The following GFRA3 variants were observed in gnomAD, a reference collection of about 807,000 sequenced individuals.
The protein encoded by GFRA3 is GDNF family receptor alpha 3.
Under a neutral mutation model 40.0 loss-of-function variants are expected in GFRA3, and 24 were observed. The observed-to-expected ratio is 0.60, with a 90% CI of 0.43 to 0.84. GFRA3 has a LOEUF of 0.84. Among genes scored for constraint, GFRA3 ranks in the 40% least tolerant of loss-of-function variants. The pLI, the probability that GFRA3 is intolerant of heterozygous loss-of-function variation, is 0.00. For missense variants in GFRA3, 405 were observed against 530.6 expected, an observed-to-expected ratio of 0.76 and a Z score of 2.33; for synonymous variants, 203 against 213.5, an observed-to-expected ratio of 0.95 and a Z score of 0.43.
chr5:138,263,014 G>C (rs895975894), intron 2 of GFRA3, among the ~76,000 whole-genome samples: 7 of 152,130 alleles, frequency 4.6e-5, no homozygotes, highest in Non-Finnish European at 7.4e-5. Context: ...GCCCAGGCTA[G>C]AGTGCAGTGG....
chr5:138,254,182 T>G, intron 4 of GFRA3, 22 bp from the exon 5 acceptor site: 5 of 1,346,018 alleles, frequency 3.7e-6, no homozygotes, highest in Non-Finnish European at 3.2e-6. Context: ...GAAATTTCTG[T>G]CTTTCTTTTT....
At chr5:138,268,949 A>AAAAAC (rs1338664898) in intron 1 of GFRA3, among the ~76,000 whole-genome samples, 1 of 151,992 alleles carries the variant, frequency 6.6e-6, no homozygotes, top group Admixed American at 6.6e-5. Flanking sequence ...AGAAAAAGAA[A>AAAAAC]AAAACAAACA....
At chr5:138,267,147 T>G (rs1303419039) in intron 1 of GFRA3, 3 of 184,924 alleles carry the variant, frequency 1.6e-5, no homozygotes, top group Admixed American at 1.5e-4. Context: ...ATCCACCTTA[T>G]GGTATTTTAG....
chr5:138,264,230 A>G, intron 2 of GFRA3, 31 bp downstream of exon 2: 1 of 1,535,620 alleles, frequency 6.5e-7, no homozygotes, highest in Non-Finnish European at 8.8e-7. Flanking sequence ...CATCTTCCCC[A>G]GCTTAGTCCA....
chr5:138,271,673 G>T lies in GFRA3; in HGVS notation c.91+2661C>A, dbSNP rs571122610. On this transcript the variant is annotated intron_variant, in intron 1 of 7. Transcript: ENST00000274721. Reference sequence around the variant, plus strand: ...GCAGCCTACAGTCTCGACCTCCCAGGCTCAGGTGAATTCTCCCACCTCAGC... The same window carrying T: ...GCAGCCTACAGTCTCGACCTCCCAGTCTCAGGTGAATTCTCCCACCTCAGC... 3.7e-5 allele frequency among the ~76,000 whole-genome samples: 5 copies of T among 135,524 alleles called. No individual in the cohort carries two copies. The South Asian group carries it at 1.1e-3, about 30-fold the overall frequency. The allele number at this position is 135,524 out of a possible 152,430, so 88.9% of individuals were successfully genotyped here.
intron 2 of GFRA3, among the ~76,000 whole-genome samples, chr5:138,262,387 C>G (rs1755723776): frequency 6.6e-6 from 1 of 152,170 alleles, no homozygotes; most frequent in Non-Finnish European, 1.5e-5. Flanking sequence ...AGGACCCTTA[C>G]AACATTTGTC....
intron 2 of GFRA3, among the ~76,000 whole-genome samples, chr5:138,261,335 A>G (rs1755706697): frequency 6.6e-6 from 1 of 152,218 alleles, no homozygotes; most frequent in African/African-American, 2.4e-5. Flanking sequence ...AAGCTCAGAA[A>G]AGAATTGGCC....
At chr5:138,268,816 T>C (rs1037008774) in intron 1 of GFRA3, among the ~76,000 whole-genome samples, 1 of 150,950 alleles carries the variant, frequency 6.6e-6, no homozygotes, top group Non-Finnish European at 1.5e-5. Flanking sequence ...TCCCAGCTAC[T>C]CGGGAGGCTG....
rs2126613122 is a variant in GFRA3, at chr5:138,258,054, G to A, written c.473-103C>T. On this transcript the variant is annotated intron_variant, in intron 3 of 7. Transcript: ENST00000274721. ...ACCCCTGATTTGACAAGAAGGTAGT[G>A]GATATAGGAGGAAAAGAAGGCCTGT... 3.4e-6 allele frequency: 3 copies of A among 869,734 alleles called. 1 individual carries two copies. The Admixed American group carries it at 6.1e-5, about 18-fold the overall frequency. The allele number at this position is 869,734 out of a possible 1,614,324, so 53.9% of individuals were successfully genotyped here. A position where few individuals can be genotyped will look rare whatever the true frequency, so the allele number is the denominator to read the frequency against.
intron 1 of GFRA3, among the ~76,000 whole-genome samples, chr5:138,265,056 G>A (rs929360719): frequency 2.0e-5 from 3 of 151,960 alleles, no homozygotes; most frequent in African/African-American, 7.3e-5. Context: ...GGAAAGAAAG[G>A]GTAACCTGAC....
intron 1 of GFRA3, among the ~76,000 whole-genome samples, chr5:138,269,649 C>T (rs769725682): frequency 1.3e-5 from 2 of 151,788 alleles, no homozygotes; most frequent in Non-Finnish European, 2.9e-5. Context: ...TGAGACCATC[C>T]TGGCCAACAT....
At chr5:138,258,267 G>A (rs1157961259) in intron 3 of GFRA3, among the ~76,000 whole-genome samples, 3 of 130,380 alleles carry the variant, frequency 2.3e-5, no homozygotes, top group East Asian at 2.7e-4. Flanking sequence ...TGCAACCTCC[G>A]CCTCCTGGGT....
chr5:138,252,813 G>T lies in GFRA3; in HGVS notation c.*155C>A, dbSNP rs1029503480. On this transcript the variant is annotated 3_prime_UTR_variant, in exon 8 of 8. Transcript: ENST00000274721. ...GATGGGGTGGAGGGAATGAGGACTG[G>T]ACCAGTAAGGATCTGGAGGTCATAA... 1.1e-5 allele frequency: 6 copies of T among 570,646 alleles called. No homozygotes were observed. The African/African-American group carries it at 1.1e-4, about 11-fold the overall frequency. 35.3% of individuals were successfully genotyped at this position (570,646 alleles called of 1,614,324 possible). A position where few individuals can be genotyped will look rare whatever the true frequency, so the allele number is the denominator to read the frequency against.
chr5:138,258,166 CTTTTTTTTTTTTTTTT>C (rs66792829), intron 3 of GFRA3, among the ~76,000 whole-genome samples: 1 of 51,640 alleles, frequency 1.9e-5, no homozygotes, highest in Non-Finnish European at 3.3e-5. Flanking sequence ...CCCTACTCCT[CTTTTTTTTTTTTTTTT>C]TTTTTTTTTT....
chr5:138,274,373 G>T lies in GFRA3; in HGVS notation c.52C>A (p.Leu18Met). 2.3e-6 allele frequency: 3 copies of T among 1,330,498 alleles called. No individual in the cohort carries two copies. Among genetic ancestry groups the T allele is most frequent in the Non-Finnish European group, 1.9e-6 (2 of 1,036,262 alleles). The allele number at this position is 1,330,498 out of a possible 1,614,324, so 82.4% of individuals were successfully genotyped here. Residue 18 changes from leucine to methionine, a missense_variant, in exon 1 of 8, where the codon CTG becomes ATG. Leu to Met is a conservative substitution (Grantham distance 15). Transcript: ENST00000274721. ...RPLPPVVLML[L>M]LLLPPSPLPL... ...AGCGGCGACGGCGGCAGCAGCAGCA[G>T]CAACATCAGGACTACGGGCGGCAGC...
chr5:138,274,515 C>T lies in GFRA3; in HGVS notation c.-91G>A. 1 of 1,237,592 alleles carries T rather than the reference C, an allele frequency of 8.1e-7. No individual in the cohort carries two copies. 76.7% of individuals were successfully genotyped at this position (1,237,592 alleles called of 1,614,324 possible). ...TCCCTCGACCGGCACCTCCCGCCCC[C>T]GCCTCCCGCCCTCCAGCGCGACGCA... On this transcript the variant is annotated 5_prime_UTR_variant, in exon 1 of 8. Transcript: ENST00000274721.
rs146463478 is a variant in GFRA3 at position 138,257,931 on chromosome 5, A to G, written c.493T>C (p.Phe165Leu). 369 of 1,613,926 alleles carry G rather than the reference A, an allele frequency of 2.3e-4. No homozygotes were observed. Among genetic ancestry groups the G allele is most frequent in the Non-Finnish European group, 2.9e-4 (340 of 1,179,974 alleles). Residue 165 changes from phenylalanine to leucine, a missense_variant, in exon 4 of 8, where the codon TTT (phenylalanine) becomes CTT (leucine). By Grantham distance (22) the Phe-to-Leu change is conservative. Transcript: ENST00000274721. ...TCATTGAGAGTACACAGCATGGCAAACTTGAGGCAGAGGTCTGAGTCTGGG... is the reference window on the plus strand; with the variant it reads ...TCATTGAGAGTACACAGCATGGCAAGCTTGAGGCAGAGGTCTGAGTCTGGG... ...LKPDSDLCLK[F>L]AMLCTLNDKC...
chr5:138,273,967 ACT>A (rs1392252733), intron 1 of GFRA3, among the ~76,000 whole-genome samples: 1 of 151,624 alleles, frequency 6.6e-6, no homozygotes, highest in Non-Finnish European at 1.5e-5. Flanking sequence ...AGCAAATGAC[ACT>A]CTGTTTCTGA....
chr5:138,263,222 C>G (rs1200866159), intron 2 of GFRA3, among the ~76,000 whole-genome samples: 2 of 152,174 alleles, frequency 1.3e-5, no homozygotes, highest in African/African-American at 2.4e-5. Context: ...CTGCCTTGGC[C>G]TCCCAAAGTG....
Sources: allele counts gnomAD v4.1 joint callset (sites outside exome capture counted in the v4.1 genomes callset), GRCh38; gene constraint gnomAD v4.1.1; transcripts MANE v1.5; gene names NCBI Gene and HGNC (gene_info 2026-07-23, HGNC 2026-07-21).